The following DNAI7 variants were observed in gnomAD, a reference collection of about 807,000 sequenced individuals.
The protein encoded by DNAI7 is dynein axonemal intermediate chain 7.
A neutral mutation model predicts 86.6 loss-of-function variants in DNAI7; 78 were observed. The observed-to-expected ratio is 0.90, with a 90% confidence interval of 0.75 to 1.09. DNAI7 has a LOEUF of 1.09. Among genes scored for constraint, DNAI7 ranks in the 50% least tolerant of loss-of-function variants. The pLI is 0.00. For missense variants in DNAI7, 753 were observed against 810.2 expected, an observed-to-expected ratio of 0.93 and a Z score of 0.86; for synonymous variants, 274 against 273.0, an observed-to-expected ratio of 1.00 and a Z score of -0.04.
At chr12:25,163,775 C>T (rs1215834055) in intron 2 of DNAI7, among the ~76,000 whole-genome samples, 2 of 152,286 alleles carry the variant, frequency 1.3e-5, no homozygotes, top group Admixed American at 1.3e-4. Context: ...ATCTGGTAAG[C>T]GGCCTCTTTT....
At chr12:25,127,872 G>A (rs923739165) in intron 9 of DNAI7, among the ~76,000 whole-genome samples, 3 of 152,110 alleles carry the variant, frequency 2.0e-5, no homozygotes, top group African/African-American at 7.2e-5. Flanking sequence ...TTAGCATATG[G>A]CATTTCAGAT....
At chr12:25,132,061 G>A (rs1942992710) in intron 9 of DNAI7, among the ~76,000 whole-genome samples, 1 of 152,020 alleles carries the variant, frequency 6.6e-6, no homozygotes, top group South Asian at 2.1e-4. Flanking sequence ...TAGGTACAGG[G>A]ATTATTCGTG....
chr12:25,174,759 T>C (rs542958351), intron 2 of DNAI7, among the ~76,000 whole-genome samples: 2 of 146,454 alleles, frequency 1.4e-5, no homozygotes, highest in South Asian at 4.2e-4. Flanking sequence ...CATATATATA[T>C]ATGATGGAAT....
At chr12:25,182,967 AAGG>A (rs1949684102) in intron 2 of DNAI7, among the ~76,000 whole-genome samples, 4 of 150,458 alleles carry the variant, frequency 2.7e-5, no homozygotes, top group South Asian at 2.1e-4. Flanking sequence ...GGAAGGGAGG[AAGG>A]GAGGAAGGGA....
At position 25,150,281 on chromosome 12, in the gene DNAI7, T is replaced by G. The variant is rs145162323; in HGVS notation, c.439-507A>C. Among the ~76,000 whole-genome samples the G allele has an allele frequency of 6.1e-3, 933 of 152,282 alleles. 10 individuals are homozygous for G. Among genetic ancestry groups the G allele is most frequent in the African/African-American group, 0.021 (872 of 41,550 alleles). ...ATGTGGAGATTTGATGGCAAACACC[T>G]TAACCATGTGATCAAATTCGCATCA... On this transcript the variant is annotated intron_variant, in intron 6 of 15. Transcript: ENST00000395987.
chr12:25,120,317 G>GGGGA (rs1555156524), intron 11 of DNAI7, among the ~76,000 whole-genome samples: 4 of 80,766 alleles, frequency 5.0e-5, no homozygotes, highest in African/African-American at 1.3e-4. Context: ...GCAGGAAGAG[G>GGGGA]GAGAGAGAGA....
At chr12:25,161,302 C>T (rs1010912260) in intron 2 of DNAI7, 105 bp from the exon 3 acceptor site, 21 of 1,013,878 alleles carry the variant, frequency 2.1e-5, no homozygotes, top group Non-Finnish European at 3.1e-5. Flanking sequence ...TTTCATAAAA[C>T]CAGCCTTTCA....
At chr12:25,107,186 T>C (rs1377965608), downstream of DNAI7, 2 of 435,672 alleles carry the variant, frequency 4.6e-6, no homozygotes, top group African/African-American at 4.1e-5. Flanking sequence ...ACAAACTTTG[T>C]ATGTCAGGTT....
At chr12:25,120,652 G>C (rs1400674222) in intron 11 of DNAI7, among the ~76,000 whole-genome samples, 1 of 152,166 alleles carries the variant, frequency 6.6e-6, no homozygotes, top group Non-Finnish European at 1.5e-5. Context: ...GTGAACCCGG[G>C]AGGCGGAGCT....
chr12:25,194,821 G>C, intron 1 of DNAI7: 1 of 1,517,678 alleles, frequency 6.6e-7, no homozygotes, highest in Non-Finnish European at 9.1e-7. Flanking sequence ...CAACATTCGA[G>C]ATCAGGATAC....
intron 4 of DNAI7, 152 bp downstream of exon 4, chr12:25,158,320 T>G (rs1489686710): frequency 1.2e-5 from 7 of 605,444 alleles, no homozygotes. Flanking sequence ...CTGTGAAATC[T>G]GGATAACAAT....
intron 2 of DNAI7, among the ~76,000 whole-genome samples, chr12:25,179,362 T>C (rs1416249891): frequency 2.6e-5 from 4 of 152,296 alleles, no homozygotes; most frequent in Middle Eastern, 3.4e-3. Flanking sequence ...TCTAAATATG[T>C]TTAATTCATT....
At chr12:25,132,228 T>C (rs141061348) in intron 9 of DNAI7, among the ~76,000 whole-genome samples, 3 of 152,220 alleles carry the variant, frequency 2.0e-5, no homozygotes, top group African/African-American at 4.8e-5. Flanking sequence ...CAATAGAGTA[T>C]AGACAGTAAA....
chr12:25,192,385 G>A (rs565091678), intron 1 of DNAI7, among the ~76,000 whole-genome samples: 1 of 152,306 alleles, frequency 6.6e-6, no homozygotes, highest in South Asian at 2.1e-4. Context: ...CCACTATGTA[G>A]TGAAGTAGTT....
chr12:25,108,194 T>TTCC (rs1298812631), downstream of DNAI7: 1 of 1,004,264 alleles, frequency 1.0e-6, no homozygotes, highest in Non-Finnish European at 1.4e-6. Flanking sequence ...TAGCTTACAT[T>TTCC]TCCTCTTTTT....
chr12:25,154,223 T>C (rs1945889692), intron 6 of DNAI7, 96 bp downstream of exon 6: 1 of 946,652 alleles, frequency 1.1e-6, no homozygotes, highest in East Asian at 2.7e-5. Context: ...AAAGCAGTAG[T>C]GTTATTACTT....
At chr12:25,168,130 C>G (rs1947707546) in intron 2 of DNAI7, among the ~76,000 whole-genome samples, 1 of 152,198 alleles carries the variant, frequency 6.6e-6, no homozygotes, top group Non-Finnish European at 1.5e-5. Flanking sequence ...TAGCTGGATC[C>G]CTAGGAGTCT....
chr12:25,134,415 G>A (rs567409191), intron 9 of DNAI7, among the ~76,000 whole-genome samples: 19 of 135,990 alleles, frequency 1.4e-4, no homozygotes, highest in Admixed American at 4.1e-4. Flanking sequence ...AGAGTGCAGC[G>A]GCACAATCTC....
intron 2 of DNAI7, among the ~76,000 whole-genome samples, chr12:25,179,375 G>T (rs1052382431): frequency 6.6e-6 from 1 of 152,060 alleles, no homozygotes; most frequent in Non-Finnish European, 1.5e-5. Flanking sequence ...AATTCATTAG[G>T]TTTGTTTATC....
Sources: gnomAD v4.1 joint callset for allele counts (sites outside exome capture counted in the v4.1 genomes callset) on GRCh38, gnomAD v4.1.1 for gene constraint, MANE v1.5 for transcripts, NCBI Gene and HGNC (gene_info 2026-07-23, HGNC 2026-07-21) for gene names.